Variants in FERMT1 observed in about 807,000 individuals in gnomAD.
FERMT1 encodes the protein fermitin family homolog 1.
In FERMT1, 60 loss-of-function variants were observed where a neutral mutation model predicts 85.3. The ratio of observed to expected loss-of-function variants is 0.70; its 90% CI spans 0.57 to 0.87. The LOEUF (loss-of-function observed/expected upper bound fraction) is 0.87. Ranked by LOEUF, FERMT1 falls within the 40% of genes least tolerant of loss-of-function variation. FERMT1 has a pLI of 0.00. For synonymous variants in FERMT1, 275 were observed against 301.1 expected, an observed-to-expected ratio of 0.91 and a Z score of 0.90; for missense variants, 701 against 818.9, an observed-to-expected ratio of 0.86 and a Z score of 1.76.
At chr20:6,085,311 A>G (rs1350157854) in intron 11 of FERMT1, 24 bp from the exon 12 acceptor site, 5 of 1,605,942 alleles carry the variant, frequency 3.1e-6, no homozygotes, top group Non-Finnish European at 3.4e-6. Context: ...AAGGTTGAGA[A>G]GCAAGCTCAA....
In FERMT1 at chr20:6,107,550, G is replaced by C. The variant is rs768878539; in HGVS notation, c.831C>G (p.Phe277Leu). The change falls in exon 6 of 15, where the codon TTC becomes TTG. Residue 277 changes from phenylalanine to leucine, a missense_variant. Physicochemically the swap from Phe to Leu is conservative, Grantham distance 22. Transcript: ENST00000217289. ...TGCTTACTTTAGGATTCAAGTCGAAGAAAGAATAATATTTAAATCGTAAGA... is the reference window on the plus strand; with the variant it reads ...TGCTTACTTTAGGATTCAAGTCGAACAAAGAATAATATTTAAATCGTAAGA... Reference protein sequence around the residue: ...QLLLRFKYYSFFDLNPKYDAV... With the variant: ...QLLLRFKYYSLFDLNPKYDAV... 9.3e-6 allele frequency: 15 copies of C among 1,610,400 alleles called. No homozygotes were observed. In the Admixed American group the frequency reaches 2.3e-4, roughly 25 times the overall value.
Position 6,076,383 on chromosome 20 carries a change from G to A in FERMT1, c.*790C>T. The A allele has an allele frequency of 2.0e-6, 1 of 503,056 alleles. No individual in the cohort carries two copies. Among genetic ancestry groups the A allele is most frequent in the Admixed American group, 2.0e-5 (1 of 49,158 alleles). The allele number at this position is 503,056 out of a possible 1,614,324, so 31.2% of individuals were successfully genotyped here. On this transcript the variant is annotated 3_prime_UTR_variant, in exon 15 of 15. Coordinates refer to ENST00000217289, the MANE Select transcript of FERMT1 (RefSeq NM_017671.5). The stretch of plus-strand genomic sequence containing the variant: ...TAGAAGCAGTGGAGACATGGATCTG[G>A]GTTGAGAAATGGGTTTTCCTGTCCC...
intron 13 of FERMT1, among the ~76,000 whole-genome samples, chr20:6,080,730 A>T (rs1455955709): frequency 6.6e-6 from 1 of 152,216 alleles, no homozygotes; most frequent in East Asian, 1.9e-4. Context: ...TTTGGCCTGA[A>T]CATCTAGGGC....
rs558432531 is a variant in FERMT1 at position 6,104,972 on chromosome 20, G to C, written c.849+2560C>G. ...GCGGATTGAATCGGGGGAGTCTCTTGGCAAAGAAACTGCTGGAAGGGTCCC... is the reference window on the plus strand; with the variant it reads ...GCGGATTGAATCGGGGGAGTCTCTTCGCAAAGAAACTGCTGGAAGGGTCCC... On this transcript the variant is annotated intron_variant, in intron 6 of 14. Transcript: ENST00000217289. The surrounding 1 kb of genome is among the most constrained non-coding windows in gnomAD (Gnocchi z 4.2). Among the ~76,000 whole-genome samples the C allele has an allele frequency of 5.3e-3, 814 of 152,232 alleles. 7 individuals carry two copies. Among genetic ancestry groups the C allele is most frequent in the African/African-American group, 0.019 (781 of 41,518 alleles).
chr20:6,085,400 C>A, intron 11 of FERMT1, 113 bp from the exon 12 acceptor site: 1 of 908,160 alleles, frequency 1.1e-6, no homozygotes. Context: ...ACCTTCCAAG[C>A]AAGATGTGAA....
chr20:6,087,215 C>T (rs1439944658), intron 11 of FERMT1, among the ~76,000 whole-genome samples: 2 of 152,138 alleles, frequency 1.3e-5, no homozygotes, highest in Admixed American at 6.5e-5. Flanking sequence ...TCCCACCAAA[C>T]CTGTGTCTCC....
Position 6,111,968 on chromosome 20 carries a change from T to A in FERMT1, c.532+509A>T, listed in dbSNP as rs186003820. On this transcript the variant is annotated intron_variant, in intron 4 of 14. Coordinates refer to ENST00000217289, the MANE Select transcript of FERMT1 (RefSeq NM_017671.5). The stretch of plus-strand genomic sequence containing the variant: ...ACTTCCACCCTCAGGGCTCAAGCAA[T>A]CCTCCCATCTCAGCCTTCTGAGTAG... 4.0e-3 allele frequency among the ~76,000 whole-genome samples: 606 copies of A among 151,772 alleles called. 5 individuals carry two copies. The highest frequency in any genetic ancestry group is 0.014 in the African/African-American group (585 of 41,406).
intron 1 of FERMT1, among the ~76,000 whole-genome samples, chr20:6,122,480 C>T (rs1287757023): frequency 6.6e-6 from 1 of 152,178 alleles, no homozygotes; most frequent in African/African-American, 2.4e-5. Context: ...GTTCGAAGGC[C>T]ACCCGACCTG....
At position 6,076,746 on chromosome 20, in the gene FERMT1, T is replaced by A. The variant is rs6107754; in HGVS notation, c.*427A>T. The A allele has an allele frequency of 9.2e-6, 3 of 326,708 alleles. No homozygotes were observed. Among genetic ancestry groups the A allele is most frequent in the Admixed American group, 4.2e-5 (1 of 23,866 alleles). The allele number at this position is 326,708 out of a possible 1,614,324, so 20.2% of individuals were successfully genotyped here. A position where few individuals can be genotyped will look rare whatever the true frequency, so the allele number is the denominator to read the frequency against. On this transcript the variant is annotated 3_prime_UTR_variant, in exon 15 of 15. Coordinates refer to ENST00000217289, the MANE Select transcript of FERMT1 (RefSeq NM_017671.5). ...CATGAAGGACAGGCGTTTCGTTTCA[T>A]ACCTGAGTTTGTGAAATAAGAGTTG...
chr20:6,082,729 C>T (rs1441944018), intron 13 of FERMT1, among the ~76,000 whole-genome samples: 2 of 152,194 alleles, frequency 1.3e-5, no homozygotes, highest in Non-Finnish European at 2.9e-5. Context: ...GATCTCAGCT[C>T]ACTGCAACCT....
chr20:6,120,347 G>A (rs1268449262), intron 1 of FERMT1: 2 of 152,148 alleles, frequency 1.3e-5, no homozygotes, highest in South Asian at 2.1e-4. Flanking sequence ...TTTGGCAAAA[G>A]ATTTAAAAAC....
At chr20:6,088,838 G>T in intron 10 of FERMT1, 127 bp downstream of exon 10, 2 of 828,554 alleles carry the variant, frequency 2.4e-6, no homozygotes, top group South Asian at 2.8e-5. Flanking sequence ...TGGCCAGGCT[G>T]GTCTCGAACT....
At chr20:6,090,165 C>A (rs1982314270) in intron 9 of FERMT1, among the ~76,000 whole-genome samples, 1 of 152,020 alleles carries the variant, frequency 6.6e-6, no homozygotes, top group African/African-American at 2.4e-5. Context: ...ACCTCCAACT[C>A]CCTGGTTCAA....
chr20:6,092,263 G>A (rs574046763), intron 9 of FERMT1, among the ~76,000 whole-genome samples: 1 of 152,208 alleles, frequency 6.6e-6, no homozygotes, highest in South Asian at 2.1e-4. Context: ...TTTGTATCTA[G>A]GCTGGGCATG....
chr20:6,094,347 TGCCTTTTTA>T, intron 9 of FERMT1, among the ~76,000 whole-genome samples: 1 of 152,378 alleles, frequency 6.6e-6, no homozygotes, highest in South Asian at 2.1e-4. Context: ...ACTCCTTCTC[TGCCTTTTTA>T]GCAGTTTCAG....
intron 2 of FERMT1, 87 bp from the exon 3 acceptor site, chr20:6,116,131 C>T (rs563931103): frequency 2.3e-5 from 22 of 939,052 alleles, no homozygotes; most frequent in East Asian, 1.3e-4. Flanking sequence ...TCATTGTGTG[C>T]GAAAATGGAA....
chr20:6,097,658 G>T, intron 6 of FERMT1, 27 bp from the exon 7 acceptor site: 2 of 1,405,054 alleles, frequency 1.4e-6, no homozygotes. Flanking sequence ...AGGTGTGTGT[G>T]TAATGAGGTA....
In FERMT1 at chr20:6,089,081, T is replaced by C. The variant is rs536285387; in HGVS notation, c.1148A>G (p.Lys383Arg). ...TTGTTTGAAAGCTTTTGGTAGTAAC[T>C]TCTTGGGCCTGCAAATTCAAAGATA... Reference protein sequence around the residue: ...ADNLKLFRPKKLLPKAFKQYW... With the variant: ...ADNLKLFRPKRLLPKAFKQYW... Residue 383 changes from lysine (K) to arginine (R), a missense_variant, in exon 10 of 15, where the codon AAG (lysine) becomes AGG (arginine). Lys to Arg is a conservative substitution (Grantham distance 26). Coordinates refer to ENST00000217289, the MANE Select transcript of FERMT1 (RefSeq NM_017671.5). 6.2e-7 allele frequency: 1 copy of C among 1,612,078 alleles called. No individual in the cohort carries two copies. Among genetic ancestry groups the C allele is most frequent in the South Asian group, 1.1e-5 (1 of 91,038 alleles).
intron 13 of FERMT1, 72 bp downstream of exon 13, chr20:6,083,968 A>C: frequency 6.4e-7 from 1 of 1,570,148 alleles, no homozygotes; most frequent in Non-Finnish European, 8.8e-7. Context: ...GCTAAATGAG[A>C]AAACTGGGGC....
Sources: allele counts gnomAD v4.1 joint callset (sites outside exome capture counted in the v4.1 genomes callset), GRCh38; gene constraint gnomAD v4.1.1; non-coding constraint Gnocchi (gnomAD v3.1); transcripts MANE v1.5; gene names NCBI Gene and HGNC (gene_info 2026-07-23, HGNC 2026-07-21).